C8G: variants seen among roughly 807,000 people sequenced by gnomAD.
C8G encodes the protein complement component C8 gamma chain.
A neutral mutation model predicts 29.1 loss-of-function variants in C8G; 38 were observed. The ratio of observed to expected loss-of-function variants is 1.31; its 90% CI spans 1.01 to 1.71. C8G has a LOEUF of 1.71. Among genes scored for constraint, C8G ranks in the 40% most tolerant of loss-of-function variants. The pLI is 0.00. For missense variants in C8G, 300 were observed against 267.4 expected (o/e 1.12, Z -0.85); for synonymous variants, 158 against 113.2 (o/e 1.40, Z -2.51).
In C8G at chr9:136,946,135, CAG is replaced by C; in HGVS notation, c.400_401del (p.Ser134PhefsTer32). The C allele has an allele frequency of 6.3e-7, 1 of 1,584,368 alleles. No individual in the cohort carries two copies. Among genetic ancestry groups the C allele is most frequent in the Non-Finnish European group, 8.6e-7 (1 of 1,162,246 alleles). On this transcript the variant is annotated frameshift_variant, in exon 4 of 7. Transcript: ENST00000371634. LOFTEE classifies it high-confidence loss of function. ...VHVVVAETDY[Q>X]SFAVLYLERA... ...CGTGGTTGTCGCTGAGACCGACTAC[CAG>C]AGTTTCGCTGTCCTGTACCTGGAGC...
chr9:136,945,245 C>T lies in C8G; in HGVS notation c.-76C>T, dbSNP rs1588465868. ...CTTCCTGGGCTGGGCTCTGTGACAG[C>T]AGAGTAGACTCTGTCCTGGGACTTG... On this transcript the variant is annotated 5_prime_UTR_variant, in exon 1 of 7. Transcript: ENST00000371634. 1.3e-6 allele frequency: 2 copies of T among 1,502,360 alleles called. No individual in the cohort carries two copies. The highest frequency in any genetic ancestry group is 1.8e-6 in the Non-Finnish European group (2 of 1,125,116). 93.1% of individuals were successfully genotyped at this position (1,502,360 alleles called of 1,614,324 possible). A position where few individuals can be genotyped will look rare whatever the true frequency, so the allele number is the denominator to read the frequency against.
rs763612252 is a variant in C8G, at chr9:136,946,083, AGCCCGAGAC to A, written c.353_361del (p.Asp118_Arg120del). 40 of 1,604,912 alleles carry A rather than the reference AGCCCGAGAC, an allele frequency of 2.5e-5. No homozygotes were observed. In the African/African-American group the frequency reaches 3.5e-4, roughly 14 times the overall value. Reference sequence around the variant, plus strand: ...GACATGGCTACTGTGGCTCTGCCCCAGCCCGAGACGCCCGAGGGGCTGTGCACGTGGTTG... The same window carrying A: ...GACATGGCTACTGTGGCTCTGCCCCAGCCCGAGGGGCTGTGCACGTGGTTG... On this transcript the variant is annotated splice_acceptor_variant and coding_sequence_variant, in exon 4 of 7. Transcript: ENST00000371634. LOFTEE classifies it high-confidence loss of function.
chr9:136,945,961 A>G lies in C8G; in HGVS notation c.308A>G (p.Tyr103Cys), dbSNP rs995464443. The G allele has an allele frequency of 2.5e-6, 4 of 1,571,566 alleles. No homozygotes were observed. The African/African-American group carries it at 4.1e-5, about 16-fold the overall frequency. The change falls in exon 3 of 7, where the codon TAT becomes TGT. Residue 103 changes from tyrosine to cysteine, a missense_variant. Physicochemically the swap from Tyr to Cys is radical, Grantham distance 194. Coordinates refer to ENST00000371634, the MANE Select transcript of C8G (RefSeq NM_000606.3). ...DGICWQVRQL[Y>C]GDTGVLGRFL... ...ATCTGCTGGCAGGTGCGCCAGCTCTATGGAGACACAGGGGTCCTCGGCCGC... is the reference window on the plus strand; with the variant it reads ...ATCTGCTGGCAGGTGCGCCAGCTCTGTGGAGACACAGGGGTCCTCGGCCGC...
chr9:136,946,096 C>G lies in C8G; in HGVS notation c.358C>G (p.Arg120Gly), dbSNP rs542108156. ...TGGCTCTGCCCCAGCCCGAGACGCC[C>G]GAGGGGCTGTGCACGTGGTTGTCGC... Reference protein sequence around the residue: ...GRFLLQARDARGAVHVVVAET... With the variant: ...GRFLLQARDAGGAVHVVVAET... Residue 120 changes from arginine (R) to glycine (G), a missense_variant, in exon 4 of 7, where the codon CGA becomes GGA. Transcript: ENST00000371634. 2 of 1,602,184 alleles carry G rather than the reference C, an allele frequency of 1.2e-6. No individual in the cohort carries two copies. Among genetic ancestry groups the G allele is most frequent in the African/African-American group, 1.3e-5 (1 of 74,722 alleles).
rs778706615 is a variant in C8G at position 136,945,992 on chromosome 9, G to A, written c.339G>A (p.Leu113=). ...ACACAGGGGTCCTCGGCCGCTTCCT[G>A]CTTCAAGGTGAGGCAGGGGCTGCAG... ...YGDTGVLGRF[L]LQARDARGAV... is the part of the protein sequence containing the mutation. Residue 113 remains leucine (L), a synonymous_variant, in exon 3 of 7, where the codon CTG becomes CTA. Coordinates refer to ENST00000371634, the MANE Select transcript of C8G (RefSeq NM_000606.3). 6.3e-7 allele frequency: 1 copy of A among 1,584,596 alleles called. No individual in the cohort carries two copies.
rs774425419 is a variant in C8G, at chr9:136,945,414, C to A, written c.94C>A (p.Pro32Thr). ...TCAGAGGCCACGCCGGCCCGCATCC[C>A]CCATCAGCACCATCCAGCCCAAGGC... ...KPQRPRRPASPISTIQPKANF... is the reference protein window; with the variant it reads ...KPQRPRRPASTISTIQPKANF... Residue 32 changes from proline (P) to threonine (T), a missense_variant, in exon 1 of 7, where the codon CCC (proline) becomes ACC (threonine). By Grantham distance (38) the Pro-to-Thr change is conservative. Coordinates refer to ENST00000371634, the MANE Select transcript of C8G (RefSeq NM_000606.3). The A allele has an allele frequency of 1.9e-6, 3 of 1,596,704 alleles. No homozygotes were observed. The South Asian group carries it at 3.4e-5, about 18-fold the overall frequency.
In C8G at chr9:136,946,935, T is replaced by C; in HGVS notation, c.*154T>C. The C allele has an allele frequency of 2.3e-6, 2 of 888,378 alleles. No individual in the cohort carries two copies. Among genetic ancestry groups the C allele is most frequent in the Non-Finnish European group, 3.5e-6 (2 of 563,598 alleles). 55.0% of individuals were successfully genotyped at this position (888,378 alleles called of 1,614,324 possible). ...TTCTGCCGGCTGCCCCAGAGGACAG[T>C]GGGTGGAGTGGTACCTACTTATTAA... On this transcript the variant is annotated 3_prime_UTR_variant, in exon 7 of 7. Transcript: ENST00000371634.
In C8G at chr9:136,946,546, T is replaced by A; in HGVS notation, c.536T>A (p.Ile179Asn). The change falls in exon 5 of 7, where the codon ATC (isoleucine) becomes AAC (asparagine). Residue 179 changes from isoleucine (I) to asparagine (N), a missense_variant. Coordinates refer to ENST00000371634, the MANE Select transcript of C8G (RefSeq NM_000606.3). ...GAGGCCCACCTGACTGAGGACCAGA[T>A]CTTCTACTTCCCCAAGTACGGTGAG... ...VQEAHLTEDQ[I>N]FYFPKYGFCE... The A allele has an allele frequency of 6.2e-7, 1 of 1,612,894 alleles. No individual in the cohort carries two copies.
At position 136,945,475 on chromosome 9, in the gene C8G, G is replaced by C. The variant is rs199870052; in HGVS notation, c.138+17G>C. ...GCTCAGCAGGTAGAAGTTGGGGGGG[G>C]TAGAGGGAGGCAGGTAGAAGTTGTG... On this transcript the variant is annotated intron_variant, in intron 1 of 6. Transcript: ENST00000371634. 11 of 1,559,942 alleles carry C rather than the reference G, an allele frequency of 7.1e-6. No individual in the cohort carries two copies. The highest frequency in any genetic ancestry group is 1.9e-5 in the Admixed American group (1 of 52,056).
chr9:136,946,689 GGT>G lies in C8G; in HGVS notation c.595+2_595+3del. ...TGCAGACCAGTTCCACGTCCTGGAC[GGT>G]GAGTGCACAGCGGGGCAAGCATGGC... On this transcript the variant is annotated splice_donor_variant, in intron 6 of 6. Coordinates refer to ENST00000371634, the MANE Select transcript of C8G (RefSeq NM_000606.3). LOFTEE classifies it high-confidence loss of function. 1 of 1,612,390 alleles carries G rather than the reference GGT, an allele frequency of 6.2e-7. No individual in the cohort carries two copies. Among genetic ancestry groups the G allele is most frequent in the Non-Finnish European group, 8.5e-7 (1 of 1,179,976 alleles).
At position 136,946,198 on chromosome 9, in the gene C8G, T is replaced by C; in HGVS notation, c.454+6T>C. On this transcript the variant is annotated splice_donor_region_variant and intron_variant, in intron 4 of 6. Coordinates refer to ENST00000371634, the MANE Select transcript of C8G (RefSeq NM_000606.3). Reference sequence around the variant, plus strand: ...GCTGTCAGTGAAGCTCTACGGTATGTGGGGGCCAGCCTCTGTGACCAGGCA... The same window carrying C: ...GCTGTCAGTGAAGCTCTACGGTATGCGGGGGCCAGCCTCTGTGACCAGGCA... 1.3e-6 allele frequency: 2 copies of C among 1,551,304 alleles called. No individual in the cohort carries two copies. Among genetic ancestry groups the C allele is most frequent in the Non-Finnish European group, 1.7e-6 (2 of 1,148,528 alleles).
rs374077380 is a variant in C8G, at chr9:136,945,280, C to T, written c.-41C>T. On this transcript the variant is annotated 5_prime_UTR_variant, in exon 1 of 7. Coordinates refer to ENST00000371634, the MANE Select transcript of C8G (RefSeq NM_000606.3). The stretch of plus-strand genomic sequence containing the variant: ...TCTGTCCTGGGACTTGGTGGTGCTA[C>T]CCTTGGCCTCCCACAGTCCTGCCAC... 2.1e-4 allele frequency: 325 copies of T among 1,560,114 alleles called. 1 individual carries two copies. The African/African-American group carries it at 4.0e-3, about 19-fold the overall frequency.
Position 136,945,694 on chromosome 9 carries a change from G to A in C8G, c.199G>A (p.Gly67Ser). The A allele has an allele frequency of 6.3e-7, 1 of 1,599,326 alleles. No individual in the cohort carries two copies. The change falls in exon 2 of 7, where the codon GGC becomes AGC. Residue 67 changes from glycine to serine, a missense_variant. By Grantham distance (56) the Gly-to-Ser change is moderately conservative (BLOSUM62 0). Transcript: ENST00000371634. ...GSACRFLQEQ[G>S]HRAEATTLHV... ...CGCTTGCCGTTTCCTGCAGGAGCAG[G>A]GCCACCGGGCCGAGGCCACCACACT...
Position 136,945,338 on chromosome 9 carries a change from T to G in C8G, c.18T>G (p.Thr6=), listed in dbSNP as rs1423062693. ...CCGCCACCATGCTGCCCCCTGGGACTGCGACCCTCTTGACTCTGCTCCTGG... is the reference window on the plus strand; with the variant it reads ...CCGCCACCATGCTGCCCCCTGGGACGGCGACCCTCTTGACTCTGCTCCTGG... MLPPG[T]ATLLTLLLAA... is the part of the protein sequence containing the mutation. Residue 6 remains threonine (T), a synonymous_variant, in exon 1 of 7, where the codon ACT becomes ACG. Coordinates refer to ENST00000371634, the MANE Select transcript of C8G (RefSeq NM_000606.3). The G allele has an allele frequency of 1.2e-6, 2 of 1,611,552 alleles. No individual in the cohort carries two copies. Among genetic ancestry groups the G allele is most frequent in the Admixed American group, 1.7e-5 (1 of 59,950 alleles).
chr9:136,945,487 A>G (rs767154972), intron 1 of C8G, 29 bp downstream of exon 1: 2 of 1,552,924 alleles, frequency 1.3e-6, no homozygotes, highest in Non-Finnish European at 8.7e-7. Flanking sequence ...AGAGGGAGGC[A>G]GGTAGAAGTT....
chr9:136,946,394 CACAG>C, intron 4 of C8G, 67 bp from the exon 5 acceptor site: 1 of 1,497,120 alleles, frequency 6.7e-7, no homozygotes, highest in East Asian at 2.4e-5. Flanking sequence ...GCAGGGGACA[CACAG>C]ACCCCGTTTC....
At position 136,945,435 on chromosome 9, in the gene C8G, A is replaced by G. The variant is rs1466128508; in HGVS notation, c.115A>G (p.Lys39Glu). ...ATCCCCCATCAGCACCATCCAGCCC[A>G]AGGCCAATTTTGATGCTCAGCAGGT... is the stretch of plus-strand genomic sequence containing the variant. ...PASPISTIQPKANFDAQQFAG... is the reference protein window; with the variant it reads ...PASPISTIQPEANFDAQQFAG... Residue 39 changes from lysine (K) to glutamate (E), a missense_variant, in exon 1 of 7, where the codon AAG (lysine) becomes GAG (glutamate). Lys to Glu is a moderately conservative substitution (Grantham distance 56). Transcript: ENST00000371634. The G allele has an allele frequency of 6.3e-7, 1 of 1,584,938 alleles. No homozygotes were observed. Among genetic ancestry groups the G allele is most frequent in the Non-Finnish European group, 8.6e-7 (1 of 1,165,708 alleles).
Position 136,946,904 on chromosome 9 carries a change from G to A in C8G, c.*123G>A. Reference sequence around the variant, plus strand: ...ATCAGGGCCCTGCCACCCAGGGCAGGGGATCTTCTGCCGGCTGCCCCAGAG... The same window carrying A: ...ATCAGGGCCCTGCCACCCAGGGCAGAGGATCTTCTGCCGGCTGCCCCAGAG... On this transcript the variant is annotated 3_prime_UTR_variant, in exon 7 of 7. Coordinates refer to ENST00000371634, the MANE Select transcript of C8G (RefSeq NM_000606.3). The A allele has an allele frequency of 8.0e-7, 1 of 1,256,530 alleles. No individual in the cohort carries two copies. Among genetic ancestry groups the A allele is most frequent in the South Asian group, 1.3e-5 (1 of 78,604 alleles). The allele number at this position is 1,256,530 out of a possible 1,614,324, so 77.8% of individuals were successfully genotyped here.
rs1374535546 is a variant in C8G, at chr9:136,945,980, C to T, written c.327C>T (p.Leu109=). ...AGCTCTATGGAGACACAGGGGTCCT[C>T]GGCCGCTTCCTGCTTCAAGGTGAGG... The part of the protein sequence containing the change: ...VRQLYGDTGV[L]GRFLLQARDA... Residue 109 remains leucine, a synonymous_variant, in exon 3 of 7, where the codon CTC becomes CTT. Coordinates refer to ENST00000371634, the MANE Select transcript of C8G (RefSeq NM_000606.3). The T allele has an allele frequency of 8.9e-6, 14 of 1,577,368 alleles. No individual in the cohort carries two copies. The highest frequency in any genetic ancestry group is 7.4e-5 in the Admixed American group (4 of 54,096).
Sources: allele counts gnomAD v4.1 joint callset, GRCh38; gene constraint gnomAD v4.1.1; transcripts MANE v1.5; gene names NCBI Gene and HGNC (gene_info 2026-07-23, HGNC 2026-07-21).